Variants in LRP5 observed in about 807,000 individuals in gnomAD.
LRP5 encodes LDL receptor related protein 5.
Under a neutral mutation model 154.1 loss-of-function variants are expected in LRP5, and 62 were observed. The ratio of observed to expected loss-of-function variants is 0.40; its 90% CI spans 0.33 to 0.50. The LOEUF is 0.50. LRP5 is among the 20% of genes least tolerant of loss of function. The pLI, the probability that LRP5 is intolerant of heterozygous loss-of-function variation, is 0.55. For missense variants in LRP5, 1,915 were observed against 2,336.7 expected, an observed-to-expected ratio of 0.82 and a Z score of 3.72; for synonymous variants, 966 against 1,011.5, an observed-to-expected ratio of 0.96 and a Z score of 0.85.
intron 5 of LRP5, among the ~76,000 whole-genome samples, chr11:68,382,487 C>T (rs1399369680): frequency 1.3e-5 from 2 of 152,192 alleles, no homozygotes; most frequent in African/African-American, 4.8e-5. Context: ...CAGTACAGTT[C>T]GTGGCTATGT....
chr11:68,414,021 C>T lies in LRP5; in HGVS notation c.2827+9C>T, dbSNP rs12575575. 6.2e-7 allele frequency: 1 copy of T among 1,601,908 alleles called. No individual in the cohort carries two copies. Among genetic ancestry groups the T allele is most frequent in the Admixed American group, 1.7e-5 (1 of 59,896 alleles). On this transcript the variant is annotated intron_variant, in intron 12 of 22. Coordinates refer to ENST00000294304, the MANE Select transcript of LRP5 (RefSeq NM_002335.4). ...CAGCCGCAACTGCAGCCGTAAGTGC[C>T]TCATGGTCCCCCGCACCTCACTCCC...
At chr11:68,367,755 T>C (rs1401401182) in intron 5 of LRP5, among the ~76,000 whole-genome samples, 3 of 151,920 alleles carry the variant, frequency 2.0e-5, no homozygotes, top group Non-Finnish European at 4.4e-5. Flanking sequence ...CACCGGAATA[T>C]GGCAAAGGTG....
At chr11:68,429,503 C>T in intron 16 of LRP5, 72 bp from the exon 17 acceptor site, 1 of 1,604,940 alleles carries the variant, frequency 6.2e-7, no homozygotes, top group Non-Finnish European at 8.5e-7. Context: ...CATTTGGCCC[C>T]TACCCTCCAG....
At chr11:68,336,683 G>C (rs943345933) in intron 1 of LRP5, among the ~76,000 whole-genome samples, 2 of 152,156 alleles carry the variant, frequency 1.3e-5, no homozygotes, top group Non-Finnish European at 2.9e-5. Context: ...TGGCGAGACT[G>C]GTCTCGAACC....
In LRP5 at chr11:68,389,732, A is replaced by G. The variant is rs17848262; in HGVS notation, c.1413-149A>G. 5 of 775,278 alleles carry G rather than the reference A, an allele frequency of 6.4e-6. No homozygotes were observed. In the East Asian group the frequency reaches 1.3e-4, roughly 19 times the overall value. The allele number at this position is 775,278 out of a possible 1,614,324, so 48.0% of individuals were successfully genotyped here. A position where few individuals can be genotyped will look rare whatever the true frequency, so the allele number is the denominator to read the frequency against. ...TTTACCAACACCGACATTTACGAGC[A>G]CCGACATTTACTGACACCAATATTT... On this transcript the variant is annotated intron_variant, in intron 6 of 22. Transcript: ENST00000294304.
intron 11 of LRP5, 90 bp downstream of exon 11, chr11:68,411,710 C>G: frequency 7.4e-7 from 1 of 1,346,588 alleles, no homozygotes. Flanking sequence ...ACCCTGTGGC[C>G]TGCAAGTTCC....
intron 9 of LRP5, among the ~76,000 whole-genome samples, chr11:68,408,524 C>T (rs1023766174): frequency 2.7e-4 from 41 of 152,084 alleles, no homozygotes; most frequent in African/African-American, 9.9e-4. Context: ...CAGAGACGAC[C>T]GTTGCTGACA....
At chr11:68,345,444 C>T (rs182252643) in intron 1 of LRP5, among the ~76,000 whole-genome samples, 11 of 152,042 alleles carry the variant, frequency 7.2e-5, no homozygotes, top group African/African-American at 1.7e-4. Flanking sequence ...CCCGTCACTA[C>T]GCCCAGCTAA....
intron 7 of LRP5, among the ~76,000 whole-genome samples, chr11:68,393,649 C>T (rs1051688389): frequency 1.3e-5 from 2 of 152,046 alleles, no homozygotes; most frequent in Admixed American, 6.6e-5. Context: ...GGTGTGGCAG[C>T]GGGCGCCTGT....
In LRP5 at chr11:68,423,054, G is replaced by A. The variant is rs1320849106; in HGVS notation, c.3028-435G>A. Among the ~76,000 whole-genome samples the A allele has an allele frequency of 1.3e-5, 2 of 152,168 alleles. No homozygotes were observed. Among genetic ancestry groups the A allele is most frequent in the Admixed American group, 6.5e-5 (1 of 15,282 alleles). ...TGAGTCCTGGAAGGTGGAGGAGACA[G>A]GGATGTGTTGGGAAGGGCCCCATGG... On this transcript the variant is annotated intron_variant, in intron 13 of 22. Transcript: ENST00000294304. The surrounding 1 kb of genome is among the most constrained non-coding windows in gnomAD (Gnocchi z 4.7).
At chr11:68,308,668 T>C (rs2098585464), upstream of LRP5, among the ~76,000 whole-genome samples, 1 of 152,136 alleles carries the variant, frequency 6.6e-6, no homozygotes, top group Non-Finnish European at 1.5e-5. Context: ...ATGAATGTTC[T>C]CAAGGCTCCG....
At position 68,433,849 on chromosome 11, in the gene LRP5, C is replaced by A; in HGVS notation, c.4000+11C>A. ...AGGCGGACTGTGACGGTGAGGCCCTCCCCGTCAAGGCTCTGCCAAGACCCT... is the reference window on the plus strand; with the variant it reads ...AGGCGGACTGTGACGGTGAGGCCCTACCCGTCAAGGCTCTGCCAAGACCCT... On this transcript the variant is annotated intron_variant, in intron 18 of 22. Transcript: ENST00000294304. 6.2e-7 allele frequency: 1 copy of A among 1,609,426 alleles called. No homozygotes were observed. The highest frequency in any genetic ancestry group is 8.5e-7 in the Non-Finnish European group (1 of 1,178,162).
intron 7 of LRP5, among the ~76,000 whole-genome samples, chr11:68,399,540 C>T (rs1479577892): frequency 6.6e-6 from 1 of 152,208 alleles, no homozygotes; most frequent in Non-Finnish European, 1.5e-5. Flanking sequence ...AATTCATCTC[C>T]CAAGTTCTCT....
intron 1 of LRP5, among the ~76,000 whole-genome samples, chr11:68,344,563 G>T (rs1434905907): frequency 6.6e-6 from 1 of 151,916 alleles, no homozygotes; most frequent in Non-Finnish European, 1.5e-5. Context: ...TAAGTGATCT[G>T]CCCGCCTCGG....
intron 8 of LRP5, among the ~76,000 whole-genome samples, chr11:68,405,989 C>T (rs1320203237): frequency 6.6e-6 from 1 of 152,260 alleles, no homozygotes; most frequent in Non-Finnish European, 1.5e-5. Flanking sequence ...ACTGGGCTGG[C>T]ACTCTTGCCG....
chr11:68,439,663 C>T (rs1387458220), intron 20 of LRP5, 114 bp from the exon 21 acceptor site: 3 of 1,163,050 alleles, frequency 2.6e-6, no homozygotes, highest in East Asian at 2.6e-5. Context: ...ACAGGACACA[C>T]CGCCCTGGTC....
chr11:68,427,143 A>C (rs630225), intron 16 of LRP5, among the ~76,000 whole-genome samples: 54,056 of 152,018 alleles, frequency 0.36, 10,711 homozygotes, highest in African/African-American at 0.51. Context: ...AATAACCTTA[A>C]TCACATCTGC....
chr11:68,427,803 G>A (rs1019784953), intron 16 of LRP5, among the ~76,000 whole-genome samples: 5 of 152,146 alleles, frequency 3.3e-5, no homozygotes, highest in Non-Finnish European at 7.4e-5. Context: ...AGGGAACAGA[G>A]CGTCTTCTGT....
At chr11:68,443,208 T>G (rs1304545421) in intron 21 of LRP5, among the ~76,000 whole-genome samples, 1 of 151,906 alleles carries the variant, frequency 6.6e-6, no homozygotes, top group African/African-American at 2.4e-5. Flanking sequence ...TTTTGTGTGT[T>G]TAAGAACCTT....
Sources: allele counts gnomAD v4.1 joint callset (sites outside exome capture counted in the v4.1 genomes callset), GRCh38; gene constraint gnomAD v4.1.1; non-coding constraint Gnocchi (gnomAD v3.1); transcripts MANE v1.5; gene names NCBI Gene and HGNC (gene_info 2026-07-23, HGNC 2026-07-21).